EPHA7: variants seen among roughly 807,000 people sequenced by gnomAD.
EPHA7 encodes ephrin type-A receptor 7.
In EPHA7, 25 loss-of-function variants were observed where a neutral mutation model predicts 112.6. The observed-to-expected ratio is 0.22, with a 90% CI of 0.16 to 0.31. EPHA7 has a LOEUF of 0.31. Among genes scored for constraint, EPHA7 ranks in the 10% least tolerant of loss-of-function variants. The pLI is 1.00. For synonymous variants in EPHA7, 437 were observed against 406.5 expected, an observed-to-expected ratio of 1.07 and a Z score of -0.90; for missense variants, 962 against 1,212.6, an observed-to-expected ratio of 0.79 and a Z score of 3.07.
chr6:93,310,656 C>T (rs1337560708), intron 5 of EPHA7, among the ~76,000 whole-genome samples: 4 of 148,914 alleles, frequency 2.7e-5, no homozygotes, highest in Admixed American at 6.7e-5. Flanking sequence ...AGCGAGACTC[C>T]GTCTCAAAAA....
Position 93,410,852 on chromosome 6 carries a change from C to T in EPHA7, c.481G>A (p.Gly161Ser). The change falls in exon 3 of 17, where the codon GGT becomes AGT. Residue 161 changes from glycine (G) to serine (S), a missense_variant. Physicochemically the swap from Gly to Ser is moderately conservative, Grantham distance 56. This residue lies in a region of EPHA7 where 160 missense variants were observed against 263.6 expected (regional missense o/e 0.61). Transcript: ENST00000369303. This position sits in a 1 kb window ranked among gnomAD's most constrained non-coding sequence, Gnocchi z 4.0. Reference protein sequence around the residue: ...ADESFTQGDLGERKMKLNTEV... With the variant: ...ADESFTQGDLSERKMKLNTEV... ...GTGTTAAGCTTCATCTTTCTTTCAC[C>T]AAGGTCACCTTGGGTAAAACTTTCA... 1 of 1,613,994 alleles carries T rather than the reference C, an allele frequency of 6.2e-7. No individual in the cohort carries two copies. Among genetic ancestry groups the T allele is most frequent in the Non-Finnish European group, 8.5e-7 (1 of 1,179,952 alleles).
intron 5 of EPHA7, among the ~76,000 whole-genome samples, chr6:93,348,706 C>T (rs760409939): frequency 2.0e-5 from 3 of 151,708 alleles, no homozygotes; most frequent in Non-Finnish European, 4.4e-5. Flanking sequence ...ATTTAAATAA[C>T]ATTATATCAT....
At chr6:93,338,508 A>G (rs2127915827) in intron 5 of EPHA7, among the ~76,000 whole-genome samples, 1 of 152,088 alleles carries the variant, frequency 6.6e-6, no homozygotes, top group African/African-American at 2.4e-5. Context: ...ATTCCAATAA[A>G]TCATGTTTCT....
At chr6:93,249,241 A>C (rs1770097806) in intron 14 of EPHA7, among the ~76,000 whole-genome samples, 1 of 152,196 alleles carries the variant, frequency 6.6e-6, no homozygotes. Context: ...ACAAATGGTA[A>C]CTCTGCAAGG....
At chr6:93,283,105 A>T (rs1004264062) in intron 5 of EPHA7, among the ~76,000 whole-genome samples, 10 of 152,160 alleles carry the variant, frequency 6.6e-5, no homozygotes, top group African/African-American at 2.2e-4. Context: ...CTTTATGTCT[A>T]GCTAAGGGAT....
intron 3 of EPHA7, among the ~76,000 whole-genome samples, chr6:93,362,995 T>A (rs1236957510): frequency 6.6e-6 from 1 of 152,144 alleles, no homozygotes; most frequent in Non-Finnish European, 1.5e-5. Context: ...CTTAATGGAC[T>A]GATTTTTTGG....
chr6:93,357,369 T>C (rs1022865998), intron 4 of EPHA7, among the ~76,000 whole-genome samples: 1 of 152,182 alleles, frequency 6.6e-6, no homozygotes, highest in Non-Finnish European at 1.5e-5. Flanking sequence ...ATTAAAACAG[T>C]ACAGTTAATG....
chr6:93,323,356 C>T (rs1277898921), intron 5 of EPHA7, among the ~76,000 whole-genome samples: 5 of 151,342 alleles, frequency 3.3e-5, no homozygotes, highest in East Asian at 1.9e-4. Context: ...CATTCTTCCA[C>T]GAATTCTTTC....
chr6:93,309,072 C>T (rs1026860439), intron 5 of EPHA7, among the ~76,000 whole-genome samples: 1 of 152,068 alleles, frequency 6.6e-6, no homozygotes, highest in African/African-American at 2.4e-5. Context: ...CCTCAGCCTC[C>T]TGAGTAGCTG....
At chr6:93,293,163 G>A (rs1250226206) in intron 5 of EPHA7, among the ~76,000 whole-genome samples, 1 of 150,474 alleles carries the variant, frequency 6.6e-6, no homozygotes, top group Admixed American at 6.6e-5. Context: ...AAAAGACTAT[G>A]TAAACCCATA....
chr6:93,256,386 AAGTC>A (rs1375803138), intron 12 of EPHA7, among the ~76,000 whole-genome samples: 1 of 151,974 alleles, frequency 6.6e-6, no homozygotes, highest in Non-Finnish European at 1.5e-5. Flanking sequence ...ACATGCCAAA[AAGTC>A]TAAATAATAT....
At chr6:93,380,110 A>G (rs1172033464) in intron 3 of EPHA7, among the ~76,000 whole-genome samples, 1 of 152,060 alleles carries the variant, frequency 6.6e-6, no homozygotes, top group Non-Finnish European at 1.5e-5. Flanking sequence ...TTTTTAAAAA[A>G]TCCATTATTA....
intron 5 of EPHA7, among the ~76,000 whole-genome samples, chr6:93,353,088 T>A (rs1002452728): frequency 6.6e-6 from 1 of 151,974 alleles, no homozygotes; most frequent in Non-Finnish European, 1.5e-5. Flanking sequence ...GAACTTAACA[T>A]AAAAGGTTAA....
intron 5 of EPHA7, among the ~76,000 whole-genome samples, chr6:93,311,813 T>C (rs781342491): frequency 6.6e-6 from 1 of 152,190 alleles, no homozygotes; most frequent in Non-Finnish European, 1.5e-5. Context: ...AAAAAAGACT[T>C]GAAAGGTGAA....
intron 5 of EPHA7, among the ~76,000 whole-genome samples, chr6:93,299,143 A>G (rs1043762353): frequency 2.0e-5 from 3 of 151,856 alleles, no homozygotes; most frequent in African/African-American, 4.8e-5. Flanking sequence ...TGGCTAACAC[A>G]GTGAAACCTC....
Position 93,266,820 on chromosome 6 carries a change from C to G in EPHA7, c.1634-2118G>C, listed in dbSNP as rs190771666. Among the ~76,000 whole-genome samples the G allele has an allele frequency of 2.0e-5, 3 of 151,820 alleles. No individual in the cohort carries two copies. In the East Asian group the frequency reaches 5.9e-4, roughly 30 times the overall value. ...TCTGTGTACCTGTCCCTGTCTTTCA[C>G]TGAACTTTTAATAAAGATCATGAAC... On this transcript the variant is annotated intron_variant, in intron 7 of 16. Coordinates refer to ENST00000369303, the MANE Select transcript of EPHA7 (RefSeq NM_004440.4).
Position 93,400,080 on chromosome 6 carries a change from C to T in EPHA7, c.832+10421G>A, listed in dbSNP as rs1376905228. Among the ~76,000 whole-genome samples, 3 of 151,902 alleles carry T rather than the reference C, an allele frequency of 2.0e-5. No individual in the cohort carries two copies. In the East Asian group the frequency reaches 5.8e-4, roughly 29 times the overall value. On this transcript the variant is annotated intron_variant, in intron 3 of 16. Transcript: ENST00000369303. ...GGGGCATATCCTACCGCACATCTCT[C>T]TTCGAGGATAAAAGTACTTTATAGG...
chr6:93,386,725 A>C (rs1777626003), intron 3 of EPHA7, among the ~76,000 whole-genome samples: 1 of 151,412 alleles, frequency 6.6e-6, no homozygotes, highest in Admixed American at 6.6e-5. Context: ...GCATCATCTG[A>C]AATTTAGGAG....
intron 5 of EPHA7, among the ~76,000 whole-genome samples, chr6:93,287,518 G>C (rs1772128241): frequency 6.7e-6 from 1 of 149,316 alleles, no homozygotes; most frequent in Admixed American, 6.6e-5. Context: ...CTCCTGTCTG[G>C]TTGATTCTTT....
Sources: allele counts gnomAD v4.1 joint callset (sites outside exome capture counted in the v4.1 genomes callset), GRCh38; gene constraint gnomAD v4.1.1; regional missense constraint gnomAD v4.1.1; non-coding constraint Gnocchi (gnomAD v3.1); transcripts MANE v1.5; gene names NCBI Gene and HGNC (gene_info 2026-07-23, HGNC 2026-07-21).